The following GRK3 variants were observed in gnomAD, a reference collection of about 807,000 sequenced individuals.
The protein encoded by GRK3 is G protein-coupled receptor kinase 3, also known as adrenergic, beta, receptor kinase 2.
Under a neutral mutation model 95.7 loss-of-function variants are expected in GRK3, and 54 were observed. The ratio of observed to expected loss-of-function variants is 0.56; its 90% confidence interval spans 0.45 to 0.71. GRK3 has a LOEUF of 0.71. GRK3 is among the 30% of genes least tolerant of loss of function. The pLI is 0.00. For synonymous variants in GRK3, 281 were observed against 290.8 expected, an observed-to-expected ratio of 0.97 and a Z score of 0.34; for missense variants, 649 against 851.2, an observed-to-expected ratio of 0.76 and a Z score of 2.96.
At chr22:25,649,386 T>G (rs79860391) in intron 3 of GRK3, among the ~76,000 whole-genome samples, 3,407 of 152,304 alleles carry the variant, frequency 0.022, 61 homozygotes, top group Middle Eastern at 0.068. Context: ...AAAACCACTT[T>G]TTTTTACCCC....
At chr22:25,716,217 T>A (rs2085383466) in intron 18 of GRK3, among the ~76,000 whole-genome samples, 2 of 152,132 alleles carry the variant, frequency 1.3e-5, no homozygotes, top group South Asian at 4.1e-4. Context: ...CTTGAACTCC[T>A]GACCTCATGA....
At chr22:25,645,578 A>C (rs1228030625) in intron 3 of GRK3, among the ~76,000 whole-genome samples, 1 of 152,196 alleles carries the variant, frequency 6.6e-6, no homozygotes, top group African/African-American at 2.4e-5. Context: ...CTCCAGTGCT[A>C]AGGAAATAAA....
Position 25,577,505 on chromosome 22 carries a change from C to T in GRK3, c.113+12352C>T, listed in dbSNP as rs568360916. Among the ~76,000 whole-genome samples the T allele has an allele frequency of 1.7e-4, 26 of 152,282 alleles. 1 individual carries two copies. Among genetic ancestry groups the T allele is most frequent in the Middle Eastern group, 6.8e-3 (2 of 294 alleles). ...AGGATTTTTAATGTTAAACTTGGCA[C>T]TCATTAGCAGTTCATTCTAAATTGT... On this transcript the variant is annotated intron_variant, in intron 1 of 20. Coordinates refer to ENST00000324198, the MANE Select transcript of GRK3 (RefSeq NM_005160.4).
intron 2 of GRK3, among the ~76,000 whole-genome samples, chr22:25,637,311 G>A (rs1217558819): frequency 6.6e-6 from 1 of 152,090 alleles, no homozygotes; most frequent in Admixed American, 6.6e-5. Context: ...GCATAGCATG[G>A]GACTTCTCGG....
intron 12 of GRK3, among the ~76,000 whole-genome samples, chr22:25,691,500 C>G (rs1022818711): frequency 3.3e-5 from 5 of 152,212 alleles, no homozygotes; most frequent in Admixed American, 1.3e-4. Flanking sequence ...ACATATTTCT[C>G]TTTTTCTACA....
chr22:25,674,560 C>T (rs1408302158), intron 8 of GRK3, 32 bp downstream of exon 8: 17 of 1,450,618 alleles, frequency 1.2e-5, no homozygotes, highest in Admixed American at 1.8e-5. Flanking sequence ...GTTTTACTGG[C>T]ACTATTAAAA....
chr22:25,669,888 T>C (rs1181296392), intron 6 of GRK3, among the ~76,000 whole-genome samples: 1 of 152,244 alleles, frequency 6.6e-6, no homozygotes, highest in Non-Finnish European at 1.5e-5. Flanking sequence ...CAGTAAGAGC[T>C]AGCCTCACAA....
chr22:25,659,659 T>C (rs1303118941), intron 3 of GRK3, among the ~76,000 whole-genome samples: 1 of 152,226 alleles, frequency 6.6e-6, no homozygotes, highest in Non-Finnish European at 1.5e-5. Context: ...GATGTTTGTT[T>C]AGAGCTATTG....
intron 2 of GRK3, among the ~76,000 whole-genome samples, chr22:25,643,976 T>C (rs2084761630): frequency 6.6e-6 from 1 of 152,160 alleles, no homozygotes; most frequent in African/African-American, 2.4e-5. Context: ...GCAAAGGTGT[T>C]TAAAGGTGAG....
chr22:25,698,220 G>A (rs2085226416), intron 13 of GRK3, among the ~76,000 whole-genome samples: 1 of 149,526 alleles, frequency 6.7e-6, no homozygotes, highest in Non-Finnish European at 1.5e-5. Context: ...GAAGGAAGGA[G>A]GAAGGAAGAA....
intron 2 of GRK3, among the ~76,000 whole-genome samples, chr22:25,620,054 G>A (rs1009521199): frequency 6.8e-6 from 1 of 146,992 alleles, no homozygotes; most frequent in African/African-American, 2.6e-5. Flanking sequence ...GTGTGTGTGT[G>A]TGTGGTTTTA....
chr22:25,649,117 T>G, intron 3 of GRK3: 5 of 1,522,778 alleles, frequency 3.3e-6, no homozygotes, highest in Non-Finnish European at 4.6e-6. Flanking sequence ...CATGAATTGA[T>G]GAATCTGTGT....
intron 17 of GRK3, 23 bp from the exon 18 acceptor site, chr22:25,714,385 T>C: frequency 6.3e-7 from 1 of 1,591,162 alleles, no homozygotes; most frequent in Non-Finnish European, 8.5e-7. Context: ...ATCATAAATA[T>C]CTTGATTTCT....
At chr22:25,669,451 GT>G (rs1211604287) in intron 6 of GRK3, among the ~76,000 whole-genome samples, 2 of 152,206 alleles carry the variant, frequency 1.3e-5, no homozygotes, top group African/African-American at 4.8e-5. Context: ...AGGAATCAGA[GT>G]TAAAAACACT....
chr22:25,649,995 T>C lies in GRK3; in HGVS notation c.264+5330T>C, dbSNP rs528689330. Reference sequence around the variant, plus strand: ...TTAATCTTGTATGAGGTTGCATTGATTTTTTTTTTTTTTTGAGACAGAGTC... The same window carrying C: ...TTAATCTTGTATGAGGTTGCATTGACTTTTTTTTTTTTTTGAGACAGAGTC... On this transcript the variant is annotated intron_variant, in intron 3 of 20. Coordinates refer to ENST00000324198, the MANE Select transcript of GRK3 (RefSeq NM_005160.4). 3.2e-5 allele frequency among the ~76,000 whole-genome samples: 3 copies of C among 94,844 alleles called. No homozygotes were observed. The East Asian group carries it at 6.7e-4, about 21-fold the overall frequency. 62.2% of individuals were successfully genotyped at this position (94,844 alleles called of 152,430 possible).
chr22:25,656,081 C>T lies in GRK3; in HGVS notation c.265-5495C>T, dbSNP rs951851295. Among the ~76,000 whole-genome samples, 5 of 152,118 alleles carry T rather than the reference C, an allele frequency of 3.3e-5. No homozygotes were observed. The South Asian group carries it at 1.0e-3, about 32-fold the overall frequency. ...CTAAGAACTGGAATGATTATAGTAC[C>T]TGTCTTGTAGGGTGGTTGTGTGTAT... On this transcript the variant is annotated intron_variant, in intron 3 of 20. Transcript: ENST00000324198.
At chr22:25,617,216 G>A (rs989148421) in intron 2 of GRK3, among the ~76,000 whole-genome samples, 1 of 152,160 alleles carries the variant, frequency 6.6e-6, no homozygotes, top group Non-Finnish European at 1.5e-5. Context: ...TTTGGAATTT[G>A]CTCTTTAGGA....
intron 1 of GRK3, among the ~76,000 whole-genome samples, chr22:25,590,634 A>T (rs1447918354): frequency 6.6e-6 from 1 of 152,114 alleles, no homozygotes; most frequent in Non-Finnish European, 1.5e-5. Flanking sequence ...CTCCTGGCCA[A>T]CATGTTGAAA....
chr22:25,644,708 T>TC, intron 3 of GRK3, 43 bp downstream of exon 3: 3 of 1,010,872 alleles, frequency 3.0e-6, no homozygotes, highest in Non-Finnish European at 4.5e-6. Context: ...TTCAAAAGCA[T>TC]ATTTAAACTG....
Sources: gnomAD v4.1 joint callset for allele counts (sites outside exome capture counted in the v4.1 genomes callset) on GRCh38, gnomAD v4.1.1 for gene constraint, MANE v1.5 for transcripts, NCBI Gene and HGNC (gene_info 2026-07-23, HGNC 2026-07-21) for gene names.